The following SYNDIG1 variants were observed in gnomAD, a reference collection of about 807,000 sequenced individuals.
The protein encoded by SYNDIG1 is synapse differentiation inducing 1.
In SYNDIG1, 9 loss-of-function variants were observed where a neutral mutation model predicts 19.4. The ratio of observed to expected loss-of-function variants is 0.46; its 90% CI spans 0.28 to 0.81. The LOEUF is 0.81. Among genes scored for constraint, SYNDIG1 ranks in the 30% least tolerant of loss-of-function variants. The pLI is 0.12. For missense variants in SYNDIG1, 311 were observed against 343.3 expected, an observed-to-expected ratio of 0.91 and a Z score of 0.74; for synonymous variants, 141 against 145.9, an observed-to-expected ratio of 0.97 and a Z score of 0.24.
At position 24,517,759 on chromosome 20, in the gene SYNDIG1, G is replaced by GTA. The variant is rs373117602; in HGVS notation, c.-78-25248_-78-25247dup. Among the ~76,000 whole-genome samples the GTA allele has an allele frequency of 5.6e-3, 800 of 141,724 alleles. 2 individuals are homozygous for GTA. Among genetic ancestry groups the GTA allele is most frequent in the East Asian group, 0.018 (85 of 4,834 alleles). The allele number at this position is 141,724 out of a possible 152,430, so 93.0% of individuals were successfully genotyped here. ...TATATATGTGTATGTGTGTGTGTGT[G>GTA]TATATATATATATACATACACACAT... On this transcript the variant is annotated intron_variant, in intron 1 of 3. Transcript: ENST00000376862.
chr20:24,561,462 A>T (rs554995256), intron 2 of SYNDIG1, among the ~76,000 whole-genome samples: 4 of 152,168 alleles, frequency 2.6e-5, no homozygotes, highest in East Asian at 1.9e-4. Context: ...AAGCAATTCA[A>T]CCCCTTCCAG....
intron 2 of SYNDIG1, among the ~76,000 whole-genome samples, chr20:24,574,708 CA>C (rs2058199433): frequency 6.6e-6 from 1 of 152,094 alleles, no homozygotes; most frequent in Non-Finnish European, 1.5e-5. Flanking sequence ...ATATGGAAAA[CA>C]AGTCCTCTAA....
intron 1 of SYNDIG1, among the ~76,000 whole-genome samples, chr20:24,516,489 T>A (rs2056867343): frequency 6.6e-6 from 1 of 152,058 alleles, no homozygotes; most frequent in Non-Finnish European, 1.5e-5. Flanking sequence ...AAAACAACCC[T>A]ATCAACAAGT....
At chr20:24,516,408 G>C (rs2096233922) in intron 1 of SYNDIG1, among the ~76,000 whole-genome samples, 1 of 152,128 alleles carries the variant, frequency 6.6e-6, no homozygotes, top group Non-Finnish European at 1.5e-5. Context: ...CTACAGAATG[G>C]GAGAAAATTT....
chr20:24,590,275 G>T (rs1238254499), intron 3 of SYNDIG1, among the ~76,000 whole-genome samples: 2 of 152,072 alleles, frequency 1.3e-5, no homozygotes, highest in Non-Finnish European at 2.9e-5. Flanking sequence ...AGGTGGGGCC[G>T]GCGCGGCGGG....
At chr20:24,589,667 C>T (rs2058475560) in intron 3 of SYNDIG1, among the ~76,000 whole-genome samples, 1 of 152,268 alleles carries the variant, frequency 6.6e-6, no homozygotes. Flanking sequence ...GATGTCTTTG[C>T]ATCCAAGCAT....
intron 3 of SYNDIG1, among the ~76,000 whole-genome samples, chr20:24,618,184 A>AG (rs2058976216): frequency 5.4e-5 from 1 of 18,646 alleles, no homozygotes; most frequent in South Asian, 1.6e-3. Flanking sequence ...ACCCTGGGGA[A>AG]GGGGGAGAGC....
At chr20:24,609,601 A>G (rs2147167778) in intron 3 of SYNDIG1, among the ~76,000 whole-genome samples, 1 of 152,362 alleles carries the variant, frequency 6.6e-6, no homozygotes, top group East Asian at 1.9e-4. Context: ...ATGATGCAAC[A>G]GGACTGCAGA....
At chr20:24,602,210 T>C (rs1019788303) in intron 3 of SYNDIG1, among the ~76,000 whole-genome samples, 4 of 152,252 alleles carry the variant, frequency 2.6e-5, no homozygotes, top group African/African-American at 4.8e-5. Flanking sequence ...TTCTCACTCA[T>C]GGTATATTTT....
chr20:24,622,974 T>A (rs1190665819), intron 3 of SYNDIG1, among the ~76,000 whole-genome samples: 2 of 152,110 alleles, frequency 1.3e-5, no homozygotes, highest in East Asian at 3.8e-4. Context: ...CTTGAATACA[T>A]CTGAAAAGAA....
At chr20:24,620,406 A>C (rs772886829) in intron 3 of SYNDIG1, among the ~76,000 whole-genome samples, 14 of 152,318 alleles carry the variant, frequency 9.2e-5, no homozygotes, top group Admixed American at 6.5e-4. Flanking sequence ...ACATTTGGTC[A>C]TCAGTGCTGG....
At chr20:24,663,311 C>T (rs570730621) in intron 3 of SYNDIG1, among the ~76,000 whole-genome samples, 1 of 152,264 alleles carries the variant, frequency 6.6e-6, no homozygotes, top group African/African-American at 2.4e-5. Context: ...TATAAACCGG[C>T]GTATCAAGGT....
chr20:24,635,014 C>G (rs1392894074), intron 3 of SYNDIG1, among the ~76,000 whole-genome samples: 1 of 152,058 alleles, frequency 6.6e-6, no homozygotes, highest in African/African-American at 2.4e-5. Flanking sequence ...GCCCCAGGAG[C>G]AGCCTGGCAG....
chr20:24,631,688 C>G lies in SYNDIG1; in HGVS notation c.619-33658C>G, dbSNP rs151028501. 9.2e-5 allele frequency among the ~76,000 whole-genome samples: 14 copies of G among 152,214 alleles called. 1 individual carries two copies. In the East Asian group the frequency reaches 2.5e-3, roughly 27 times the overall value. On this transcript the variant is annotated intron_variant, in intron 3 of 3. Transcript: ENST00000376862. ...GAATCTCTCCTGGAAACAAACATAT[C>G]GGAAAAATTTCAAAAATTCTTCTTG...
chr20:24,537,783 G>T (rs2057391103), intron 1 of SYNDIG1, among the ~76,000 whole-genome samples: 1 of 152,086 alleles, frequency 6.6e-6, no homozygotes, highest in Admixed American at 6.5e-5. Flanking sequence ...TGTACTTGAG[G>T]GGGTACACTT....
At chr20:24,620,286 G>A (rs957970127) in intron 3 of SYNDIG1, among the ~76,000 whole-genome samples, 5 of 152,208 alleles carry the variant, frequency 3.3e-5, no homozygotes, top group African/African-American at 7.2e-5. Flanking sequence ...GAAGCAGCAT[G>A]AGGATGGTTT....
intron 1 of SYNDIG1, among the ~76,000 whole-genome samples, chr20:24,509,178 G>C (rs966261051): frequency 1.3e-5 from 2 of 152,078 alleles, no homozygotes; most frequent in Non-Finnish European, 2.9e-5. Context: ...AGCCCCTTGA[G>C]GGATTTAGTG....
chr20:24,640,493 G>A (rs1030655342), intron 3 of SYNDIG1, among the ~76,000 whole-genome samples: 1 of 137,590 alleles, frequency 7.3e-6, no homozygotes, highest in African/African-American at 2.6e-5. Context: ...AAGGAAGGAA[G>A]GAAGGAAGGA....
chr20:24,532,628 T>C (rs1177059677), intron 1 of SYNDIG1, among the ~76,000 whole-genome samples: 1 of 152,200 alleles, frequency 6.6e-6, no homozygotes, highest in Non-Finnish European at 1.5e-5. Flanking sequence ...AGCAATTATT[T>C]TAAAAAATGA....
Sources: gnomAD v4.1 joint callset for allele counts (sites outside exome capture counted in the v4.1 genomes callset) on GRCh38, gnomAD v4.1.1 for gene constraint, MANE v1.5 for transcripts, NCBI Gene and HGNC (gene_info 2026-07-23, HGNC 2026-07-21) for gene names.